The following LTBP3 variants were observed in gnomAD, a reference collection of about 807,000 sequenced individuals.
LTBP3 encodes the protein latent transforming growth factor beta binding protein 3.
Under a neutral mutation model 159.7 loss-of-function variants are expected in LTBP3, and 97 were observed. That is an observed-to-expected ratio of 0.61 (90% CI 0.52 to 0.72). The LOEUF (loss-of-function observed/expected upper bound fraction) is 0.72, where lower values mean the gene tolerates loss of function less well. LTBP3 is among the 30% of genes least tolerant of loss of function. The pLI, the probability that LTBP3 is intolerant of heterozygous loss-of-function variation, is 0.00. For synonymous variants in LTBP3, 824 were observed against 777.1 expected (o/e 1.06, Z -1.00); for missense variants, 1,584 against 1,864.3 (o/e 0.85, Z 2.77).
Position 65,553,887 on chromosome 11 carries a change from G to GGGGGGCGGGGCCTGCACT in LTBP3, c.662-2_677dup (p.Gln222_Val227dup), listed in dbSNP as rs1856708375. 2.6e-6 allele frequency: 4 copies of GGGGGGCGGGGCCTGCACT among 1,550,696 alleles called. No homozygotes were observed. Among genetic ancestry groups the GGGGGGCGGGGCCTGCACT allele is most frequent in the South Asian group, 1.2e-5 (1 of 85,818 alleles). ...GGTGATGGACGCGCACATTCACCAC[G>GGGGGGCGGGGCCTGCACT]GGGGGCGGGGCCTGCACTGGGGGCG... On this transcript the variant is annotated inframe_insertion, in exon 3 of 28. Coordinates refer to ENST00000301873, the MANE Select transcript of LTBP3 (RefSeq NM_001130144.3). The surrounding 1 kb of genome is among the most constrained non-coding windows in gnomAD (Gnocchi z 6.5).
intron 16 of LTBP3, 87 bp from the exon 17 acceptor site, chr11:65,543,636 G>T: frequency 6.4e-7 from 1 of 1,552,724 alleles, no homozygotes; most frequent in Non-Finnish European, 8.9e-7. Flanking sequence ...ATGGCCTGGA[G>T]CACCAGAGCT....
In LTBP3 at chr11:65,538,897, A is replaced by ACAAC. The variant is rs2135113154; in HGVS notation, c.*179_*182dup. 8.3e-7 allele frequency: 1 copy of ACAAC among 1,202,558 alleles called. No homozygotes were observed. Among genetic ancestry groups the ACAAC allele is most frequent in the South Asian group, 2.1e-5 (1 of 47,682 alleles). The allele number at this position is 1,202,558 out of a possible 1,614,324, so 74.5% of individuals were successfully genotyped here. A position where few individuals can be genotyped will look rare whatever the true frequency, so the allele number is the denominator to read the frequency against. On this transcript the variant is annotated 3_prime_UTR_variant, in exon 28 of 28. Coordinates refer to ENST00000301873, the MANE Select transcript of LTBP3 (RefSeq NM_001130144.3). ...GCAGGCAGCGCCCGCCGGAGACCTT[A>ACAAC]CAACCGCCCGCTAACCGGGGAGGGG...
At chr11:65,551,325 G>T in intron 10 of LTBP3, 77 bp downstream of exon 10, 1 of 1,562,304 alleles carries the variant, frequency 6.4e-7, no homozygotes. Flanking sequence ...GACTGTCCCC[G>T]AGTACTTAAA....
Position 65,539,165 on chromosome 11 carries a change from G to A in LTBP3, c.3827C>T (p.Thr1276Ile). ...LLCKSERCVN[T>I]SGSFRCVCKA... ...GCAGACGCAGCGGAAGGAGCCGCTG[G>A]TGTTCACGCAGCGCTCGCTCTTGCA... Residue 1276 changes from threonine to isoleucine, a missense_variant, in exon 28 of 28, where the codon ACC becomes ATC. Thr to Ile is a moderately conservative substitution (Grantham distance 89). Around this residue, in one of 6 missense-constraint regions of LTBP3, gnomAD observed 514 missense variants for 530.3 expected, o/e 0.97. Coordinates refer to ENST00000301873, the MANE Select transcript of LTBP3 (RefSeq NM_001130144.3). The A allele has an allele frequency of 6.6e-7, 1 of 1,505,926 alleles. No individual in the cohort carries two copies. Among genetic ancestry groups the A allele is most frequent in the Middle Eastern group, 1.8e-4 (1 of 5,440 alleles). 93.3% of individuals were successfully genotyped at this position (1,505,926 alleles called of 1,614,324 possible).
At chr11:65,551,263 A>C (rs771249012) in intron 10 of LTBP3, 39 bp from the exon 11 acceptor site, 353 of 1,531,342 alleles carry the variant, frequency 2.3e-4, no homozygotes, top group Non-Finnish European at 2.9e-4. Flanking sequence ...GACGATATTG[A>C]CTGAAGCCTC....
In LTBP3 at chr11:65,547,756, A is replaced by T; in HGVS notation, c.1912T>A (p.Ser638Thr). The change falls in exon 13 of 28, where the codon TCC (serine) becomes ACC (threonine). Residue 638 changes from serine to threonine, a missense_variant. By Grantham distance (58) the Ser-to-Thr change is moderately conservative. Coordinates refer to ENST00000301873, the MANE Select transcript of LTBP3 (RefSeq NM_001130144.3). The surrounding 1 kb of genome is among the most constrained non-coding windows in gnomAD (Gnocchi z 4.6). Reference protein sequence around the residue: ...GRGICMNTGGSYNCHCNRGYR... With the variant: ...GRGICMNTGGTYNCHCNRGYR... ...CCGCGGTTGCAGTGGCAATTGTAGG[A>T]GCCGCCGGTGTTCATGCAGATGCCC... is the stretch of plus-strand genomic sequence containing the variant. The T allele has an allele frequency of 2.5e-6, 4 of 1,610,124 alleles. No homozygotes were observed. The highest frequency in any genetic ancestry group is 3.4e-6 in the Non-Finnish European group (4 of 1,178,806).
chr11:65,551,372 G>C (rs1365605084), intron 10 of LTBP3, 30 bp downstream of exon 10: 1 of 1,608,928 alleles, frequency 6.2e-7, no homozygotes, highest in Non-Finnish European at 8.5e-7. Flanking sequence ...TTTAGCCCTT[G>C]AGGACTCATC....
In LTBP3 at chr11:65,551,229, G is replaced by C. The variant is rs768225895; in HGVS notation, c.1622-5C>G. The C allele has an allele frequency of 1.9e-6, 3 of 1,544,918 alleles. No homozygotes were observed. The highest frequency in any genetic ancestry group is 2.6e-6 in the Non-Finnish European group (3 of 1,146,680). ...GCGAGGGACGGGAGATCAGCTCTGC[G>C]GGCGGCAGTGCACTCTGGTCAGAGA... On this transcript the variant is annotated splice_polypyrimidine_tract_variant and splice_region_variant and intron_variant, in intron 10 of 27. Transcript: ENST00000301873.
At chr11:65,548,637 G>A (rs1856480773) in intron 11 of LTBP3, 2 of 167,918 alleles carry the variant, frequency 1.2e-5, no homozygotes, top group Non-Finnish European at 2.6e-5. Flanking sequence ...CCAAGCCCAG[G>A]ACTCCCTGCC....
At position 65,540,911 on chromosome 11, in the gene LTBP3, C is replaced by T. The variant is rs1856103105; in HGVS notation, c.2937G>A (p.Gln979=). ...TGCCGTAGTTGACGATGTTGTTGTC[C>T]TGGGTGTAGCCCTTTCCGTCTGGGC... is the stretch of plus-strand genomic sequence containing the variant. ...SLCPDGKGYT[Q]DNNIVNYGIP... Residue 979 remains glutamine, a synonymous_variant, in exon 21 of 28, where the codon CAG becomes CAA. Coordinates refer to ENST00000301873, the MANE Select transcript of LTBP3 (RefSeq NM_001130144.3). 6.2e-7 allele frequency: 1 copy of T among 1,613,646 alleles called. No homozygotes were observed.
In LTBP3 at chr11:65,553,055, G is replaced by C; in HGVS notation, c.1064-73C>G. 6.2e-7 allele frequency: 1 copy of C among 1,611,622 alleles called. No individual in the cohort carries two copies. The highest frequency in any genetic ancestry group is 8.5e-7 in the Non-Finnish European group (1 of 1,178,112). On this transcript the variant is annotated intron_variant, in intron 5 of 27. Transcript: ENST00000301873. The surrounding 1 kb of genome is among the most constrained non-coding windows in gnomAD (Gnocchi z 6.5). ...ACAGCAGGCTGCTCCAAGAACCTCAGGGTCTTGCCCCAGCCCCACCTCCTC... is the reference window on the plus strand; with the variant it reads ...ACAGCAGGCTGCTCCAAGAACCTCACGGTCTTGCCCCAGCCCCACCTCCTC...
rs1346586746 is a variant in LTBP3 at position 65,547,493 on chromosome 11, A to C, written c.2053T>G (p.Cys685Gly). 3 of 1,613,988 alleles carry C rather than the reference A, an allele frequency of 1.9e-6. No homozygotes were observed. The highest frequency in any genetic ancestry group is 1.3e-5 in the African/African-American group (1 of 74,916). Residue 685 changes from cysteine to glycine, a missense_variant, in exon 14 of 28, where the codon TGC becomes GGC. Cys to Gly is a radical substitution (Grantham distance 159). Transcript: ENST00000301873. The surrounding 1 kb of genome is among the most constrained non-coding windows in gnomAD (Gnocchi z 4.6). ...AGCCGGTAGCCGGGGTAGCAGTTGC[A>C]CTTGTAGTGACCGGGAAAGTTGATG... Reference protein sequence around the residue: ...FCINFPGHYKCNCYPGYRLKA... With the variant: ...FCINFPGHYKGNCYPGYRLKA...
At chr11:65,543,615 C>T in intron 16 of LTBP3, 66 bp from the exon 17 acceptor site, 1 of 1,601,250 alleles carries the variant, frequency 6.2e-7, no homozygotes, top group Non-Finnish European at 8.5e-7. Context: ...ACTGTTTTCT[C>T]ACTTCTGCGC....
chr11:65,552,185 T>A lies in LTBP3; in HGVS notation c.1346-28A>T. 2 of 1,613,922 alleles carry A rather than the reference T, an allele frequency of 1.2e-6. No homozygotes were observed. Among genetic ancestry groups the A allele is most frequent in the Non-Finnish European group, 1.7e-6 (2 of 1,179,784 alleles). ...GCAGTCAAGACAGCAGACACAAAAG[T>A]GAGCATTTCCTGGACAGGTGCATGG... On this transcript the variant is annotated intron_variant, in intron 7 of 27. Coordinates refer to ENST00000301873, the MANE Select transcript of LTBP3 (RefSeq NM_001130144.3). This position sits in a 1 kb window ranked among gnomAD's most constrained non-coding sequence, Gnocchi z 6.0.
In LTBP3 at chr11:65,546,793, C is replaced by G. The variant is rs772952998; in HGVS notation, c.2230+5G>C. On this transcript the variant is annotated splice_donor_5th_base_variant and intron_variant, in intron 15 of 27. Coordinates refer to ENST00000301873, the MANE Select transcript of LTBP3 (RefSeq NM_001130144.3). This position sits in a 1 kb window ranked among gnomAD's most constrained non-coding sequence, Gnocchi z 4.0. ...CACCCACTCGGCTCCGGGCCCCGCC[C>G]TCACCGCGACAGGCCCCGCCCCCCT... The G allele has an allele frequency of 6.2e-7, 1 of 1,601,836 alleles. No homozygotes were observed. Among genetic ancestry groups the G allele is most frequent in the Non-Finnish European group, 8.5e-7 (1 of 1,179,340 alleles).
Position 65,553,807 on chromosome 11 carries a change from G to C in LTBP3, c.758C>G (p.Ala253Gly). 1 of 1,561,880 alleles carries C rather than the reference G, an allele frequency of 6.4e-7. No individual in the cohort carries two copies. Among genetic ancestry groups the C allele is most frequent in the Non-Finnish European group, 8.6e-7 (1 of 1,161,342 alleles). Residue 253 changes from alanine to glycine, a missense_variant, in exon 3 of 28, where the codon GCA becomes GGA. Ala to Gly is a moderately conservative substitution (Grantham distance 60, BLOSUM62 0). Coordinates refer to ENST00000301873, the MANE Select transcript of LTBP3 (RefSeq NM_001130144.3). The surrounding 1 kb of genome is among the most constrained non-coding windows in gnomAD (Gnocchi z 6.5). The stretch of plus-strand genomic sequence containing the variant: ...CGGCAGCAGGTGCTGGGAGGGGGCT[G>C]CGCTCTCGGCGTTCGAGCTCTCAAT... The part of the protein sequence containing the change: ...HRIESSNAES[A>G]APSQHLLPHP...
In LTBP3 at chr11:65,546,243, G is replaced by T. The variant is rs961580283; in HGVS notation, c.2353+199C>A. The stretch of plus-strand genomic sequence containing the variant: ...ACATGCTTTGCAAACGCAGCTTCGA[G>T]CTCTACCCCGAGACCCTTCCTACGT... On this transcript the variant is annotated intron_variant, in intron 16 of 27. Transcript: ENST00000301873. This position sits in a 1 kb window ranked among gnomAD's most constrained non-coding sequence, Gnocchi z 4.0. The T allele has an allele frequency of 3.4e-5, 22 of 652,154 alleles. 1 individual carries two copies. Among genetic ancestry groups the T allele is most frequent in the Admixed American group, 2.0e-4 (6 of 30,506 alleles). The allele number at this position is 652,154 out of a possible 1,614,324, so 40.4% of individuals were successfully genotyped here.
At position 65,554,458 on chromosome 11, in the gene LTBP3, G is replaced by T; in HGVS notation, c.332-78C>A. 1 of 1,233,416 alleles carries T rather than the reference G, an allele frequency of 8.1e-7. No homozygotes were observed. The highest frequency in any genetic ancestry group is 1.1e-6 in the Non-Finnish European group (1 of 878,068). The allele number at this position is 1,233,416 out of a possible 1,614,324, so 76.4% of individuals were successfully genotyped here. On this transcript the variant is annotated intron_variant, in intron 1 of 27. Coordinates refer to ENST00000301873, the MANE Select transcript of LTBP3 (RefSeq NM_001130144.3). This position sits in a 1 kb window ranked among gnomAD's most constrained non-coding sequence, Gnocchi z 5.3. ...CCTCCCTACTTCCTTGCCACCCACT[G>T]GCTCTGTCCTCTTGGGAAGCCAGGT...
chr11:65,555,092 C>T (rs529317038), intron 1 of LTBP3, among the ~76,000 whole-genome samples: 1 of 152,228 alleles, frequency 6.6e-6, no homozygotes, highest in South Asian at 2.1e-4. Context: ...CTCCTGCTCT[C>T]CCCTGCCCAG....
Sources: gnomAD v4.1 joint callset for allele counts (sites outside exome capture counted in the v4.1 genomes callset) on GRCh38, gnomAD v4.1.1 for gene constraint, gnomAD v4.1.1 regional missense constraint, Gnocchi (gnomAD v3.1) non-coding constraint, MANE v1.5 for transcripts, NCBI Gene and HGNC (gene_info 2026-07-23, HGNC 2026-07-21) for gene names.